The following TMOD3 variants were observed in gnomAD, a reference collection of about 807,000 sequenced individuals.
TMOD3 encodes the protein tropomodulin 3.
A neutral mutation model predicts 39.2 loss-of-function variants in TMOD3; 20 were observed. That is an observed-to-expected ratio of 0.51 (90% CI 0.36 to 0.74). The LOEUF is 0.74. Ranked by LOEUF, TMOD3 falls within the 30% of genes least tolerant of loss-of-function variation. The pLI, the probability that TMOD3 is intolerant of heterozygous loss-of-function variation, is 0.00. For synonymous variants in TMOD3, 143 were observed against 145.8 expected (o/e 0.98, Z 0.14); for missense variants, 381 against 412.8 (o/e 0.92, Z 0.67).
chr15:51,859,850 C>G (rs1037873293), intron 1 of TMOD3: 5 of 524,736 alleles, frequency 9.5e-6, no homozygotes, highest in Non-Finnish European at 1.9e-5. Flanking sequence ...AGCAACAACT[C>G]AAGTCAACTG....
chr15:51,902,469 T>G (rs1424450827), intron 9 of TMOD3, among the ~76,000 whole-genome samples: 1 of 151,998 alleles, frequency 6.6e-6, no homozygotes, highest in Admixed American at 6.6e-5. Flanking sequence ...TCACCCAGGT[T>G]TTTTGTTGTT....
At chr15:51,864,383 T>A (rs1294992963) in intron 2 of TMOD3, among the ~76,000 whole-genome samples, 1 of 152,132 alleles carries the variant, frequency 6.6e-6, no homozygotes, top group African/African-American at 2.4e-5. Context: ...GGGGGGCCGT[T>A]CTGTGCCTTG....
At chr15:51,840,725 G>T (rs554883522) in intron 1 of TMOD3, among the ~76,000 whole-genome samples, 1 of 152,224 alleles carries the variant, frequency 6.6e-6, no homozygotes, top group South Asian at 2.1e-4. Flanking sequence ...ATCGACTTTA[G>T]AATTCATTTT....
At chr15:51,908,072 G>A (rs2056691346) in intron 9 of TMOD3, among the ~76,000 whole-genome samples, 2 of 152,182 alleles carry the variant, frequency 1.3e-5, no homozygotes, top group Admixed American at 1.3e-4. Context: ...GAAAGCAGTA[G>A]CAAATCACTT....
chr15:51,841,393 G>C (rs2056311987), intron 1 of TMOD3, among the ~76,000 whole-genome samples: 1 of 152,164 alleles, frequency 6.6e-6, no homozygotes, highest in African/African-American at 2.4e-5. Context: ...CTGAACTCCT[G>C]TTTTGGGTCC....
chr15:51,849,899 A>G (rs1000294377), intron 1 of TMOD3, among the ~76,000 whole-genome samples: 5 of 152,004 alleles, frequency 3.3e-5, no homozygotes, highest in African/African-American at 1.2e-4. Flanking sequence ...ACACCACTGC[A>G]TGTCAGCCTG....
chr15:51,855,889 CT>C (rs1566855109), intron 1 of TMOD3, among the ~76,000 whole-genome samples: 3 of 152,124 alleles, frequency 2.0e-5, no homozygotes. Context: ...ACAAATGTTC[CT>C]CAATAAAGGA....
In TMOD3 at chr15:51,862,956, G is replaced by A. The variant is rs2056426629; in HGVS notation, c.72G>A (p.Leu24=). The stretch of plus-strand genomic sequence containing the variant: ...ATGAAGATGAGCTCCTTGGGAATCT[G>A]TCAGAAACAGAACTGAAACAACTGG... The part of the protein sequence containing the change: ...DLDEDELLGN[L]SETELKQLET... Residue 24 remains leucine, a synonymous_variant, in exon 2 of 10, where the codon CTG becomes CTA. Coordinates refer to ENST00000308580, the MANE Select transcript of TMOD3 (RefSeq NM_014547.5). 6.2e-7 allele frequency: 1 copy of A among 1,614,098 alleles called. No homozygotes were observed. Among genetic ancestry groups the A allele is most frequent in the South Asian group, 1.1e-5 (1 of 91,072 alleles).
At position 51,901,878 on chromosome 15, in the gene TMOD3, T is replaced by C. The variant is rs764490471; in HGVS notation, c.880-14T>C. The stretch of plus-strand genomic sequence containing the variant: ...TAGTTTATTAATATTGTTCTTTTTT[T>C]CTAATTACTCCAGAGGCAGCAGTTG... On this transcript the variant is annotated splice_polypyrimidine_tract_variant and intron_variant, in intron 8 of 9. Transcript: ENST00000308580. 1.9e-6 allele frequency: 3 copies of C among 1,605,812 alleles called. 1 individual carries two copies. The highest frequency in any genetic ancestry group is 2.2e-5 in the South Asian group (2 of 89,826).
chr15:51,900,941 C>G (rs1014307658), intron 8 of TMOD3: 2 of 152,162 alleles, frequency 1.3e-5, no homozygotes, highest in African/African-American at 4.8e-5. Flanking sequence ...GCCATTACCA[C>G]TAATTCCAGA....
intron 7 of TMOD3, among the ~76,000 whole-genome samples, chr15:51,897,131 G>T (rs2056624693): frequency 6.6e-6 from 1 of 152,172 alleles, no homozygotes; most frequent in African/African-American, 2.4e-5. Flanking sequence ...TCAAAGCCCT[G>T]TACTGGTTTC....
chr15:51,849,826 C>T (rs1423524158), intron 1 of TMOD3, among the ~76,000 whole-genome samples: 10 of 151,632 alleles, frequency 6.6e-5, no homozygotes, highest in African/African-American at 9.7e-5. Flanking sequence ...CCCAGCTACT[C>T]GGGAGGCTGA....
At chr15:51,843,489 G>C (rs559722566) in intron 1 of TMOD3, among the ~76,000 whole-genome samples, 103 of 152,306 alleles carry the variant, frequency 6.8e-4, no homozygotes, top group African/African-American at 2.4e-3. Flanking sequence ...AGTGTTTTAG[G>C]TGACTGTAGG....
At chr15:51,838,501 G>A (rs181813080) in intron 1 of TMOD3, among the ~76,000 whole-genome samples, 4 of 152,072 alleles carry the variant, frequency 2.6e-5, no homozygotes, top group Admixed American at 2.0e-4. Context: ...TCCGTGAAAT[G>A]ACCTACCACT....
At chr15:51,907,819 CA>C (rs2056689952) in intron 9 of TMOD3, among the ~76,000 whole-genome samples, 1 of 152,192 alleles carries the variant, frequency 6.6e-6, no homozygotes, top group African/African-American at 2.4e-5. Flanking sequence ...TACTAGAGAA[CA>C]CCCCTGAGTA....
rs1432878074 is a variant in TMOD3 at position 51,862,991 on chromosome 15, T to G, written c.107T>G (p.Leu36Trp). The G allele has an allele frequency of 6.2e-7, 1 of 1,613,424 alleles. No homozygotes were observed. The highest frequency in any genetic ancestry group is 1.3e-5 in the African/African-American group (1 of 74,906). ...ETELKQLETVLDDLDPENALL... is the reference protein window; with the variant it reads ...ETELKQLETVWDDLDPENALL... ...GAACTGAAACAACTGGAAACTGTTT[T>G]GGATGATCTTGACCCCGAGGTAGGT... The change falls in exon 2 of 10, where the codon TTG becomes TGG. Residue 36 changes from leucine (L) to tryptophan (W), a missense_variant. By Grantham distance (61) the Leu-to-Trp change is moderately conservative. Coordinates refer to ENST00000308580, the MANE Select transcript of TMOD3 (RefSeq NM_014547.5).
At position 51,911,814 on chromosome 15, in the gene TMOD3, T is replaced by C. The variant is rs2056713264; in HGVS notation, c.*3004T>C. On this transcript the variant is annotated 3_prime_UTR_variant, in exon 10 of 10. Coordinates refer to ENST00000308580, the MANE Select transcript of TMOD3 (RefSeq NM_014547.5). ...TAAAATGGATTTTGGTGCTATATTCTTGTAGCTAAAGCCTAGTAGAATTCT... is the reference window on the plus strand; with the variant it reads ...TAAAATGGATTTTGGTGCTATATTCCTGTAGCTAAAGCCTAGTAGAATTCT... The C allele has an allele frequency of 6.6e-6, 1 of 152,242 alleles. No individual in the cohort carries two copies. The highest frequency in any genetic ancestry group is 1.5e-5 in the Non-Finnish European group (1 of 68,048). 9.4% of individuals were successfully genotyped at this position (152,242 alleles called of 1,614,324 possible). A position where few individuals can be genotyped will look rare whatever the true frequency, so the allele number is the denominator to read the frequency against.
chr15:51,893,172 GTA>G lies in TMOD3; in HGVS notation c.497-641_497-640del, dbSNP rs546063300. Among the ~76,000 whole-genome samples, 319 of 151,612 alleles carry G rather than the reference GTA, an allele frequency of 2.1e-3. 2 individuals carry two copies. The highest frequency in any genetic ancestry group is 7.3e-3 in the African/African-American group (303 of 41,320). On this transcript the variant is annotated intron_variant, in intron 5 of 9. Coordinates refer to ENST00000308580, the MANE Select transcript of TMOD3 (RefSeq NM_014547.5). ...TAGCCAGGCATGGTGACACACGCCT[GTA>G]TTCCCAGCTACTTGGGAGGCTGAGG...
intron 1 of TMOD3, among the ~76,000 whole-genome samples, chr15:51,839,314 C>A (rs748477089): frequency 2.0e-5 from 3 of 151,294 alleles, no homozygotes; most frequent in Non-Finnish European, 4.4e-5. Flanking sequence ...GAACTAAAGG[C>A]ACGTGCCACC....
Sources: allele counts gnomAD v4.1 joint callset (sites outside exome capture counted in the v4.1 genomes callset), GRCh38; gene constraint gnomAD v4.1.1; transcripts MANE v1.5; gene names NCBI Gene and HGNC (gene_info 2026-07-23, HGNC 2026-07-21).